The following HEMK2 variants were observed in gnomAD, a reference collection of about 807,000 sequenced individuals.
The protein encoded by HEMK2 is methyltransferase HEMK2.
At chr21:28,702,665 T>A in the HEMK2 span, among the ~76,000 whole-genome samples, 7 of 151,998 alleles carry the variant, frequency 4.6e-5, no homozygotes, top group Admixed American at 4.6e-4. Flanking sequence ...AATAACAGAT[T>A]CTAGTGAGGG....
chr21:28,863,419 T>C, the HEMK2 span, among the ~76,000 whole-genome samples: 2 of 9,758 alleles, frequency 2.0e-4, no homozygotes, highest in East Asian at 3.0e-3. Flanking sequence ...TTTATATATA[T>C]ATATATATAT....
chr21:28,830,899 T>A, the HEMK2 span, among the ~76,000 whole-genome samples: 2 of 146,690 alleles, frequency 1.4e-5, no homozygotes, highest in African/African-American at 2.5e-5. Flanking sequence ...AAAAAAAGAA[T>A]GGTATCAGAA....
At chr21:28,846,383 C>T in the HEMK2 span, among the ~76,000 whole-genome samples, 1 of 152,122 alleles carries the variant, frequency 6.6e-6, no homozygotes, top group Non-Finnish European at 1.5e-5. Flanking sequence ...CATTGCTTTC[C>T]ACAATAGCTG....
chr21:28,591,643 C>T, the HEMK2 span, among the ~76,000 whole-genome samples: 1 of 152,046 alleles, frequency 6.6e-6, no homozygotes, highest in Non-Finnish European at 1.5e-5. Flanking sequence ...ATTTTTTCAT[C>T]ACCCAGGTAC....
the HEMK2 span, among the ~76,000 whole-genome samples, chr21:28,848,561 A>AT: frequency 3.3e-5 from 5 of 152,172 alleles, no homozygotes; most frequent in African/African-American, 4.8e-5. Flanking sequence ...GCATTTTAAA[A>AT]TTTAAAGAAT....
At chr21:28,802,254 G>A in the HEMK2 span, among the ~76,000 whole-genome samples, 2 of 152,114 alleles carry the variant, frequency 1.3e-5, no homozygotes, top group Non-Finnish European at 2.9e-5. Context: ...GAAATACTAA[G>A]TGAAAAAATT....
the HEMK2 span, among the ~76,000 whole-genome samples, chr21:28,881,903 A>C: frequency 6.6e-6 from 1 of 152,222 alleles, no homozygotes; most frequent in African/African-American, 2.4e-5. Context: ...ATCCCAGAGT[A>C]CTGGGATTAA....
the HEMK2 span, among the ~76,000 whole-genome samples, chr21:28,600,476 A>AAAGT: frequency 1.3e-5 from 2 of 152,080 alleles, no homozygotes; most frequent in African/African-American, 4.8e-5. Flanking sequence ...CAGCAGGGGC[A>AAAGT]CCCTGGGCCC....
chr21:28,841,030 TTATATATTATATATAAA>T, the HEMK2 span, among the ~76,000 whole-genome samples: 3 of 104,256 alleles, frequency 2.9e-5, no homozygotes. Flanking sequence ...TAAATAAATA[TTATATATTATATATAAA>T]TAAATATTAT....
the HEMK2 span, among the ~76,000 whole-genome samples, chr21:28,813,909 C>T: frequency 6.6e-6 from 1 of 152,086 alleles, no homozygotes; most frequent in African/African-American, 2.4e-5. Flanking sequence ...TTCCTTACAC[C>T]TTAAACAAAA....
the HEMK2 span, among the ~76,000 whole-genome samples, chr21:28,784,607 A>G: frequency 6.6e-6 from 1 of 151,930 alleles, no homozygotes. Context: ...TGCACCAATC[A>G]GCACCCTGTG....
chr21:28,608,412 G>A, the HEMK2 span, among the ~76,000 whole-genome samples: 151 of 149,684 alleles, frequency 1.0e-3, 2 homozygotes, highest in Admixed American at 8.2e-3. Flanking sequence ...AAAGAAATGC[G>A]ATACCAGAAA....
At chr21:28,672,838 TAA>T in the HEMK2 span, among the ~76,000 whole-genome samples, 2 of 152,116 alleles carry the variant, frequency 1.3e-5, no homozygotes, top group African/African-American at 4.8e-5. Flanking sequence ...AGATGTGAGC[TAA>T]GTCTCAGCTC....
At chr21:28,839,000 T>TATATAC in the HEMK2 span, among the ~76,000 whole-genome samples, 3 of 57,994 alleles carry the variant, frequency 5.2e-5, no homozygotes, top group South Asian at 1.0e-3. Flanking sequence ...TATATATATA[T>TATATAC]ACATATATAT....
At chr21:28,599,111 G>T in the HEMK2 span, among the ~76,000 whole-genome samples, 1 of 152,302 alleles carries the variant, frequency 6.6e-6, no homozygotes, top group East Asian at 1.9e-4. Context: ...ATAGTTGAGA[G>T]GATTCAGAAG....
the HEMK2 span, among the ~76,000 whole-genome samples, chr21:28,702,155 C>T: frequency 6.6e-6 from 1 of 152,040 alleles, no homozygotes; most frequent in Admixed American, 6.6e-5. Context: ...TGGACCCCTG[C>T]CTATTACCAT....
the HEMK2 span, among the ~76,000 whole-genome samples, chr21:28,655,832 T>C: frequency 6.6e-6 from 1 of 152,068 alleles, no homozygotes; most frequent in Non-Finnish European, 1.5e-5. Flanking sequence ...TTAAATGTTA[T>C]TTCCACTCTA....
chr21:28,769,392 A>G, the HEMK2 span, among the ~76,000 whole-genome samples: 1 of 152,060 alleles, frequency 6.6e-6, no homozygotes, highest in Non-Finnish European at 1.5e-5. Flanking sequence ...CCCCAAAATG[A>G]ACGTCAAAGA....
At chr21:28,816,164 G>A in the HEMK2 span, among the ~76,000 whole-genome samples, 3 of 152,202 alleles carry the variant, frequency 2.0e-5, no homozygotes, top group Non-Finnish European at 2.9e-5. Context: ...CTTCTGAACT[G>A]TGAGAAAATA....
Sources: gnomAD v4.1 joint callset for allele counts (sites outside exome capture counted in the v4.1 genomes callset) on GRCh38, gnomAD v4.1.1 for gene constraint, MANE v1.5 for transcripts, NCBI Gene and HGNC (gene_info 2026-07-23, HGNC 2026-07-21) for gene names.